The following CENPT variants were observed in gnomAD, a reference collection of about 807,000 sequenced individuals.
The protein encoded by CENPT is interphase centromere complex protein 22.
CENPT carries 42 observed loss-of-function variants against 59.7 expected under a neutral mutation model. The ratio of observed to expected loss-of-function variants is 0.70; its 90% CI spans 0.55 to 0.91. The LOEUF (loss-of-function observed/expected upper bound fraction) is 0.91, where lower values mean the gene tolerates loss of function less well. Among genes scored for constraint, CENPT ranks in the 40% least tolerant of loss-of-function variants. The pLI, the probability that CENPT is intolerant of heterozygous loss-of-function variation, is 0.00. For synonymous variants in CENPT, 295 were observed against 289.6 expected, an observed-to-expected ratio of 1.02 and a Z score of -0.19; for missense variants, 716 against 713.4, an observed-to-expected ratio of 1.00 and a Z score of -0.04.
rs753474613 is a variant in CENPT, at chr16:67,833,773, C to T, written c.87G>A (p.Arg29=). ...VLDTADPRTP[R]RPRSARAGAR... Reference sequence around the variant, plus strand: ...ACCCAGCCCGAGCACTCCGGGGTCGCCGCGGGGTGCGCGGGTCCGCTGTAT... The same window carrying T: ...ACCCAGCCCGAGCACTCCGGGGTCGTCGCGGGGTGCGCGGGTCCGCTGTAT... The change falls in exon 4 of 16, where the codon CGG becomes CGA. Residue 29 remains arginine, a synonymous_variant. Coordinates refer to ENST00000562787, the MANE Select transcript of CENPT (RefSeq NM_025082.4). 4 of 1,559,598 alleles carry T rather than the reference C, an allele frequency of 2.6e-6. No homozygotes were observed. In the South Asian group the frequency reaches 4.7e-5, roughly 18 times the overall value.
intron 3 of CENPT, among the ~76,000 whole-genome samples, chr16:67,834,778 G>A (rs181448937): frequency 9.2e-5 from 14 of 152,176 alleles, no homozygotes; most frequent in Admixed American, 3.3e-4. Flanking sequence ...GATGAATTCC[G>A]GCTCTCAAAA....
chr16:67,841,245 G>T (rs551964226), intron 1 of CENPT, among the ~76,000 whole-genome samples: 27 of 149,712 alleles, frequency 1.8e-4, no homozygotes, highest in Non-Finnish European at 3.4e-4. Flanking sequence ...AAGTTGAGGT[G>T]GGGGGAGGTG....
intron 13 of CENPT, 23 bp from the exon 14 acceptor site, chr16:67,828,866 G>C (rs541709074): frequency 3.2e-6 from 5 of 1,557,532 alleles, no homozygotes; most frequent in African/African-American, 2.8e-5. Flanking sequence ...GTGGACAGAG[G>C]GGGCTGAACT....
intron 12 of CENPT, 46 bp downstream of exon 12, chr16:67,829,719 C>A: frequency 6.3e-7 from 1 of 1,582,818 alleles, no homozygotes; most frequent in Non-Finnish European, 8.7e-7. Flanking sequence ...TGTGCTAGGG[C>A]CTGAACACAG....
chr16:67,842,543 C>G lies in CENPT; in HGVS notation c.-492+4858G>C, dbSNP rs778863555. 83 of 1,499,772 alleles carry G rather than the reference C, an allele frequency of 5.5e-5. No individual in the cohort carries two copies. Among genetic ancestry groups the G allele is most frequent in the Non-Finnish European group, 7.0e-5 (78 of 1,120,900 alleles). 92.9% of individuals were successfully genotyped at this position (1,499,772 alleles called of 1,614,324 possible). A position where few individuals can be genotyped will look rare whatever the true frequency, so the allele number is the denominator to read the frequency against. On this transcript the variant is annotated intron_variant, in intron 1 of 15. Transcript: ENST00000562787. The surrounding 1 kb of genome is among the most constrained non-coding windows in gnomAD (Gnocchi z 4.9). The stretch of plus-strand genomic sequence containing the variant: ...GAGGCCGGTGGGCCGGGCCGGGCCG[C>G]GCGGCGCAGCCATGCCTGGCTTTAC...
In CENPT at chr16:67,828,182, CT is replaced by C; in HGVS notation, c.*84del. On this transcript the variant is annotated 3_prime_UTR_variant, in exon 16 of 16. Transcript: ENST00000562787. ...TTCTGTTTATGACACTTTATTGATG[CT>C]GGGGGGGTGGGGAGGAGACCTGGAG... 1 of 1,472,850 alleles carries C rather than the reference CT, an allele frequency of 6.8e-7. No homozygotes were observed. Among genetic ancestry groups the C allele is most frequent in the Non-Finnish European group, 9.1e-7 (1 of 1,103,984 alleles). 91.2% of individuals were successfully genotyped at this position (1,472,850 alleles called of 1,614,324 possible). A position where few individuals can be genotyped will look rare whatever the true frequency, so the allele number is the denominator to read the frequency against.
At chr16:67,831,113 T>C (rs760033030) in intron 10 of CENPT, 103 bp downstream of exon 10, 2 of 1,499,170 alleles carry the variant, frequency 1.3e-6, no homozygotes, top group South Asian at 2.3e-5. Flanking sequence ...TCGCTGTCCT[T>C]GACCCCACCG....
At position 67,842,451 on chromosome 16, in the gene CENPT, G is replaced by A; in HGVS notation, c.-492+4950C>T. ...CGGCAGTGGTGGGATACCACCCAAG[G>A]CCTCGCGCGGCGCCGCCCGTCGAGG... On this transcript the variant is annotated intron_variant, in intron 1 of 15. Transcript: ENST00000562787. This position sits in a 1 kb window ranked among gnomAD's most constrained non-coding sequence, Gnocchi z 4.9. The A allele has an allele frequency of 2.2e-6, 2 of 899,766 alleles. No homozygotes were observed. Among genetic ancestry groups the A allele is most frequent in the Non-Finnish European group, 2.9e-6 (2 of 688,474 alleles). 55.7% of individuals were successfully genotyped at this position (899,766 alleles called of 1,614,324 possible). A position where few individuals can be genotyped will look rare whatever the true frequency, so the allele number is the denominator to read the frequency against.
At chr16:67,838,733 C>A (rs554205981) in intron 1 of CENPT, among the ~76,000 whole-genome samples, 1 of 151,378 alleles carries the variant, frequency 6.6e-6, no homozygotes, top group African/African-American at 2.4e-5. Flanking sequence ...CAAGGCCAGT[C>A]TGGCCAACAT....
chr16:67,845,497 G>A (rs3809630), intron 1 of CENPT, among the ~76,000 whole-genome samples: 22,820 of 152,230 alleles, frequency 0.15, 1,910 homozygotes, highest in African/African-American at 0.21. Flanking sequence ...TGGAAGCACT[G>A]CAGTGCCCTT....
At chr16:67,829,368 T>C (rs543181472) in intron 13 of CENPT, 55 bp downstream of exon 13, 15 of 1,399,290 alleles carry the variant, frequency 1.1e-5, no homozygotes, top group South Asian at 1.3e-5. Flanking sequence ...GTACACAGCA[T>C]ACCCAATGCT....
At position 67,828,224 on chromosome 16, in the gene CENPT, A is replaced by G. The variant is rs766801865; in HGVS notation, c.*43T>C. The G allele has an allele frequency of 1.3e-6, 2 of 1,537,066 alleles. No homozygotes were observed. The highest frequency in any genetic ancestry group is 2.8e-5 in the African/African-American group (2 of 72,446). ...AGACCTGGAGAAATATGTGGGGGCAAGAGTCCCCAGGTGGGGACAGGGAAA... is the reference window on the plus strand; with the variant it reads ...AGACCTGGAGAAATATGTGGGGGCAGGAGTCCCCAGGTGGGGACAGGGAAA... On this transcript the variant is annotated 3_prime_UTR_variant, in exon 16 of 16. Transcript: ENST00000562787.
At chr16:67,839,526 C>G (rs779346520) in intron 1 of CENPT, among the ~76,000 whole-genome samples, 7 of 152,008 alleles carry the variant, frequency 4.6e-5, no homozygotes, top group Non-Finnish European at 8.8e-5. Context: ...CACCACTACA[C>G]GCCAGCCTGG....
rs1236575735 is a variant in CENPT, at chr16:67,828,849, G to A, written c.1281-6C>T. ...CTGCAGGCTCTGAAGATAAGCTGAG[G>A]GCAACAGTGGACAGAGGGGGCTGAA... On this transcript the variant is annotated splice_region_variant and splice_polypyrimidine_tract_variant and intron_variant, in intron 13 of 15. Coordinates refer to ENST00000562787, the MANE Select transcript of CENPT (RefSeq NM_025082.4). 4 of 1,575,292 alleles carry A rather than the reference G, an allele frequency of 2.5e-6. No individual in the cohort carries two copies. Among genetic ancestry groups the A allele is most frequent in the Admixed American group, 4.3e-5 (2 of 46,704 alleles).
intron 12 of CENPT, 103 bp from the exon 13 acceptor site, chr16:67,829,619 T>C: frequency 7.5e-7 from 1 of 1,335,690 alleles, no homozygotes; most frequent in Non-Finnish European, 1.0e-6. Flanking sequence ...GGGCCCCACC[T>C]AGCTCCAGCC....
intron 1 of CENPT, among the ~76,000 whole-genome samples, chr16:67,845,853 C>T (rs1000082581): frequency 5.3e-5 from 8 of 152,206 alleles, no homozygotes; most frequent in Non-Finnish European, 1.0e-4. Context: ...ATTTAAAAAA[C>T]AGAAGTGTGG....
intron 3 of CENPT, among the ~76,000 whole-genome samples, chr16:67,834,664 G>T (rs1193921813): frequency 6.6e-6 from 1 of 152,062 alleles, no homozygotes; most frequent in African/African-American, 2.4e-5. Flanking sequence ...TGTCTATAGG[G>T]CCTATCTCTA....
At chr16:67,833,070 T>C (rs2057709064) in intron 4 of CENPT, among the ~76,000 whole-genome samples, 1 of 152,164 alleles carries the variant, frequency 6.6e-6, no homozygotes, top group African/African-American at 2.4e-5. Flanking sequence ...TCTCATTCCC[T>C]ATAAAGAAAC....
chr16:67,843,551 C>T lies in CENPT; in HGVS notation c.-492+3850G>A. ...TCCCAGACCCCATCCAGCCAGGGGACCGCAGGCCATTGTTGAACTCCTCTA... is the reference window on the plus strand; with the variant it reads ...TCCCAGACCCCATCCAGCCAGGGGATCGCAGGCCATTGTTGAACTCCTCTA... On this transcript the variant is annotated intron_variant, in intron 1 of 15. Transcript: ENST00000562787. The surrounding 1 kb of genome is among the most constrained non-coding windows in gnomAD (Gnocchi z 5.7). 1 of 1,557,084 alleles carries T rather than the reference C, an allele frequency of 6.4e-7. No individual in the cohort carries two copies. Among genetic ancestry groups the T allele is most frequent in the Non-Finnish European group, 8.7e-7 (1 of 1,149,246 alleles).
Sources: gnomAD v4.1 joint callset for allele counts (sites outside exome capture counted in the v4.1 genomes callset) on GRCh38, gnomAD v4.1.1 for gene constraint, Gnocchi (gnomAD v3.1) non-coding constraint, MANE v1.5 for transcripts, NCBI Gene and HGNC (gene_info 2026-07-23, HGNC 2026-07-21) for gene names.